The following ADGRL2 variants were observed in gnomAD, a reference collection of about 807,000 sequenced individuals.
ADGRL2 encodes adhesion G protein-coupled receptor L2, also known as calcium-independent alpha-latrotoxin receptor 2.
ADGRL2 carries 44 observed loss-of-function variants against 157.4 expected under a neutral mutation model. The ratio of observed to expected loss-of-function variants is 0.28; its 90% CI spans 0.22 to 0.36. The LOEUF (loss-of-function observed/expected upper bound fraction) is 0.36. ADGRL2 is among the 10% of genes least tolerant of loss of function. The pLI is 1.00. For missense variants in ADGRL2, 1,510 were observed against 1,768.9 expected, an observed-to-expected ratio of 0.85 and a Z score of 2.63; for synonymous variants, 585 against 624.7, an observed-to-expected ratio of 0.94 and a Z score of 0.95.
chr1:81,950,221 G>T lies in ADGRL2; in HGVS notation c.1243G>T (p.Ala415Ser), dbSNP rs1308871550. Reference sequence around the variant, plus strand: ...CACAGCTGTGACAATAACTTCTTCAGCTGAGCTGTTCAAAACCATAATATC... The same window carrying T: ...CACAGCTGTGACAATAACTTCTTCATCTGAGCTGTTCAAAACCATAATATC... ...PTTAVTITSS[A>S]ELFKTIISTT... Residue 415 changes from alanine (A) to serine (S), a missense_variant, in exon 7 of 24, where the codon GCT (alanine) becomes TCT (serine). Physicochemically the swap from Ala to Ser is moderately conservative, Grantham distance 99. Around this residue, in one of 4 missense-constraint regions of ADGRL2, gnomAD observed 325 missense variants for 333.2 expected, o/e 0.98. Coordinates refer to ENST00000686636, the MANE Select transcript of ADGRL2 (RefSeq NM_001366006.2). The T allele has an allele frequency of 6.2e-7, 1 of 1,613,856 alleles. No individual in the cohort carries two copies. The highest frequency in any genetic ancestry group is 1.3e-5 in the African/African-American group (1 of 74,902).
At chr1:81,343,092 CT>C (rs544677891) in intron 1 of ADGRL2, among the ~76,000 whole-genome samples, 42 of 131,108 alleles carry the variant, frequency 3.2e-4, no homozygotes, top group South Asian at 7.3e-4. Context: ...TTTTTCTTTT[CT>C]TTTTTTTTTT....
intron 2 of ADGRL2, among the ~76,000 whole-genome samples, chr1:81,480,470 C>T (rs1330182417): frequency 6.6e-6 from 1 of 152,130 alleles, no homozygotes; most frequent in Non-Finnish European, 1.5e-5. Context: ...CGTCCTGAAG[C>T]AGAGTAATAT....
At position 81,951,181 on chromosome 1, in the gene ADGRL2, A is replaced by C. The variant is rs570718950; in HGVS notation, c.1608+60A>C. On this transcript the variant is annotated intron_variant, in intron 8 of 23. Coordinates refer to ENST00000686636, the MANE Select transcript of ADGRL2 (RefSeq NM_001366006.2). ...ATTTAGGGCATTAACTTCTAACATA[A>C]ATAATTTAGCTTTGTGTGTTAAAAC... 20 of 1,154,130 alleles carry C rather than the reference A, an allele frequency of 1.7e-5. No individual in the cohort carries two copies. The African/African-American group carries it at 3.0e-4, about 18-fold the overall frequency. The allele number at this position is 1,154,130 out of a possible 1,614,324, so 71.5% of individuals were successfully genotyped here.
intron 1 of ADGRL2, among the ~76,000 whole-genome samples, chr1:81,308,072 G>GA (rs1031993002): frequency 2.2e-4 from 32 of 145,026 alleles, no homozygotes; most frequent in Middle Eastern, 3.5e-3. Flanking sequence ...GATAGCAACC[G>GA]AAAAAAAAAA....
At chr1:81,317,520 T>C (rs1325121132) in intron 1 of ADGRL2, among the ~76,000 whole-genome samples, 1 of 152,212 alleles carries the variant, frequency 6.6e-6, no homozygotes, top group African/African-American at 2.4e-5. Flanking sequence ...TTTTGAGAGT[T>C]GTATGTTGTA....
At chr1:81,402,954 T>A (rs6688942) in intron 1 of ADGRL2, among the ~76,000 whole-genome samples, 68,670 of 152,114 alleles carry the variant, frequency 0.45, 16,288 homozygotes, top group East Asian at 0.65. Flanking sequence ...GCAAACTACA[T>A]ATAATTCTTA....
intron 1 of ADGRL2, among the ~76,000 whole-genome samples, chr1:81,434,408 C>T (rs558997782): frequency 1.3e-5 from 2 of 151,362 alleles, no homozygotes; most frequent in South Asian, 4.4e-4. Context: ...ATATTTGTCT[C>T]TCGGTATGTG....
intron 2 of ADGRL2, among the ~76,000 whole-genome samples, chr1:81,883,543 G>T (rs2151267934): frequency 6.6e-6 from 1 of 152,182 alleles, no homozygotes; most frequent in Non-Finnish European, 1.5e-5. Flanking sequence ...TAAAAATGGG[G>T]GGAAAGATAT....
intron 1 of ADGRL2, among the ~76,000 whole-genome samples, chr1:81,399,198 A>G: frequency 6.6e-6 from 1 of 152,304 alleles, no homozygotes; most frequent in Admixed American, 6.5e-5. Flanking sequence ...GAACTTACTC[A>G]GGATCATGAG....
At chr1:81,643,106 A>G (rs1386680486) in intron 3 of ADGRL2, among the ~76,000 whole-genome samples, 1 of 152,192 alleles carries the variant, frequency 6.6e-6, no homozygotes, top group Admixed American at 6.5e-5. Flanking sequence ...AAAGGAAATA[A>G]AAAGTATACA....
At chr1:81,984,108 A>G (rs187767452) in intron 19 of ADGRL2, among the ~76,000 whole-genome samples, 236 of 152,140 alleles carry the variant, frequency 1.6e-3, no homozygotes, top group Non-Finnish European at 2.8e-3. Flanking sequence ...GAACTATGCA[A>G]TCCAGCAAAA....
intron 2 of ADGRL2, 145 bp from the exon 3 acceptor site, chr1:81,906,872 G>A: frequency 1.5e-6 from 1 of 654,246 alleles, no homozygotes; most frequent in South Asian, 2.2e-5. Context: ...ATATTGTAGA[G>A]AACCAAAAAA....
intron 1 of ADGRL2, among the ~76,000 whole-genome samples, chr1:81,322,053 T>G (rs1254574080): frequency 2.7e-5 from 4 of 146,972 alleles, no homozygotes; most frequent in Non-Finnish European, 6.0e-5. Context: ...TACTATTTTT[T>G]TCAATGTTCT....
chr1:81,574,385 C>G (rs981220719), intron 2 of ADGRL2, among the ~76,000 whole-genome samples: 1 of 152,094 alleles, frequency 6.6e-6, no homozygotes, highest in African/African-American at 2.4e-5. Flanking sequence ...TGAAGCCCAG[C>G]CTCTAGTGTA....
At chr1:81,621,023 C>T (rs1050821031) in intron 3 of ADGRL2, among the ~76,000 whole-genome samples, 4 of 152,142 alleles carry the variant, frequency 2.6e-5, no homozygotes, top group Non-Finnish European at 5.9e-5. Context: ...AACAGGAGTG[C>T]GGCAGGAGTG....
chr1:81,417,900 A>C (rs867237598), intron 1 of ADGRL2, among the ~76,000 whole-genome samples: 1 of 152,206 alleles, frequency 6.6e-6, no homozygotes, highest in Admixed American at 6.5e-5. Context: ...ACCTCCAGTC[A>C]AATGTGGCAC....
At chr1:81,534,501 C>T (rs2079686376) in intron 2 of ADGRL2, among the ~76,000 whole-genome samples, 1 of 152,208 alleles carries the variant, frequency 6.6e-6, no homozygotes, top group South Asian at 2.1e-4. Flanking sequence ...ATTTTATCTA[C>T]AGCATCCTCT....
chr1:81,883,381 C>A (rs554144514), intron 2 of ADGRL2, among the ~76,000 whole-genome samples: 270 of 152,262 alleles, frequency 1.8e-3, no homozygotes, highest in Non-Finnish European at 3.0e-3. Context: ...CATTTGTGAT[C>A]ATGTTCTTCT....
intron 1 of ADGRL2, among the ~76,000 whole-genome samples, chr1:81,430,551 G>T (rs574413616): frequency 1.3e-5 from 2 of 152,276 alleles, no homozygotes; most frequent in South Asian, 4.2e-4. Flanking sequence ...TGTAAAAGTT[G>T]CCAGGTCTTC....
Sources: gnomAD v4.1 joint callset for allele counts (sites outside exome capture counted in the v4.1 genomes callset) on GRCh38, gnomAD v4.1.1 for gene constraint, gnomAD v4.1.1 regional missense constraint, MANE v1.5 for transcripts, NCBI Gene and HGNC (gene_info 2026-07-23, HGNC 2026-07-21) for gene names.